The following A4GALT variants were observed in gnomAD, a reference collection of about 807,000 sequenced individuals.
A4GALT encodes alpha 1,4-galactosyltransferase (P1PK blood group), also known as lactosylceramide 4-alpha-galactosyltransferase.
For missense variants in A4GALT, 512 were observed against 486.0 expected, an observed-to-expected ratio of 1.05 and a Z score of -0.50; for synonymous variants, 257 against 220.7, an observed-to-expected ratio of 1.16 and a Z score of -1.46.
At chr22:42,708,582 G>A (rs1000862006) in intron 1 of A4GALT, among the ~76,000 whole-genome samples, 1 of 151,298 alleles carries the variant, frequency 6.6e-6, no homozygotes, top group Non-Finnish European at 1.5e-5. Context: ...AGGAAGGAAG[G>A]AAGGAAGGAA....
intron 1 of A4GALT, among the ~76,000 whole-genome samples, chr22:42,719,641 G>A (rs934956674): frequency 3.3e-5 from 5 of 152,258 alleles, no homozygotes; most frequent in Admixed American, 1.3e-4. Flanking sequence ...AGAGGGCTGT[G>A]GGAAATCTTG....
intron 1 of A4GALT, among the ~76,000 whole-genome samples, chr22:42,701,502 G>A (rs556773077): frequency 1.3e-5 from 2 of 152,286 alleles, no homozygotes; most frequent in South Asian, 4.2e-4. Flanking sequence ...CATAAAGAAT[G>A]CTCCCGCCGC....
intron 1 of A4GALT, among the ~76,000 whole-genome samples, chr22:42,709,050 T>TAC (rs776726095): frequency 5.4e-5 from 4 of 73,484 alleles, no homozygotes; most frequent in Admixed American, 5.1e-4. Context: ...AAAATTTAAA[T>TAC]ATATATATAT....
intron 1 of A4GALT, among the ~76,000 whole-genome samples, chr22:42,709,065 A>ATT (rs972762721): frequency 2.1e-5 from 2 of 93,658 alleles, no homozygotes; most frequent in African/African-American, 6.0e-5. Flanking sequence ...ATATATATAT[A>ATT]TATTTTTTTT....
At chr22:42,708,332 C>G (rs891376500) in intron 1 of A4GALT, among the ~76,000 whole-genome samples, 1 of 151,952 alleles carries the variant, frequency 6.6e-6, no homozygotes, top group African/African-American at 2.4e-5. Flanking sequence ...GAGCCGAGAT[C>G]GCGCCATTGC....
chr22:42,707,956 A>AT (rs71311458), intron 1 of A4GALT, among the ~76,000 whole-genome samples: 8 of 42,946 alleles, frequency 1.9e-4, no homozygotes, highest in Non-Finnish European at 6.7e-4. Context: ...CTGTCACTAC[A>AT]AAAAAAAAAA....
chr22:42,715,958 G>C (rs530952904), intron 1 of A4GALT, among the ~76,000 whole-genome samples: 3 of 151,934 alleles, frequency 2.0e-5, no homozygotes, highest in African/African-American at 7.3e-5. Context: ...TCAGCCTCCT[G>C]AGTAGGTGGG....
At chr22:42,701,994 C>T (rs28915369) in intron 1 of A4GALT, among the ~76,000 whole-genome samples, 7,065 of 152,278 alleles carry the variant, frequency 0.046, 528 homozygotes, top group African/African-American at 0.16. Context: ...CCTCAATCGA[C>T]CAATGAATGT....
chr22:42,709,841 T>C (rs1057462169), intron 1 of A4GALT, among the ~76,000 whole-genome samples: 7 of 151,750 alleles, frequency 4.6e-5, no homozygotes, highest in African/African-American at 1.7e-4. Context: ...GCAAGTGGGG[T>C]TTATTCAAAG....
In A4GALT at chr22:42,692,958, C is replaced by A; in HGVS notation, c.994G>T (p.Ala332Ser). 6.2e-7 allele frequency: 1 copy of A among 1,612,190 alleles called. No homozygotes were observed. The highest frequency in any genetic ancestry group is 1.1e-5 in the South Asian group (1 of 91,080). Residue 332 changes from alanine (A) to serine (S), a missense_variant, in exon 3 of 3, where the codon GCA becomes TCA. Transcript: ENST00000642412. This position sits in a 1 kb window ranked among gnomAD's most constrained non-coding sequence, Gnocchi z 4.6. Reference sequence around the variant, plus strand: ...CGGGCATGCAGCTGGGCCAGCAGTGCCCTGGACGTGGCCTCGAACCGCGTG... The same window carrying A: ...CGGGCATGCAGCTGGGCCAGCAGTGACCTGGACGTGGCCTCGAACCGCGTG... ...QGTRFEATSR[A>S]LLAQLHARYC...
intron 1 of A4GALT, among the ~76,000 whole-genome samples, chr22:42,704,872 G>T (rs1411466845): frequency 1.7e-5 from 2 of 117,784 alleles, no homozygotes; most frequent in Non-Finnish European, 3.4e-5. Flanking sequence ...ATGGCAATGG[G>T]GGGGGGCGGG....
chr22:42,694,375 C>G (rs1601981247), intron 2 of A4GALT, among the ~76,000 whole-genome samples: 1 of 152,388 alleles, frequency 6.6e-6, no homozygotes, highest in Non-Finnish European at 1.5e-5. Flanking sequence ...GGATTGGCAG[C>G]CTGGGATTTG....
In A4GALT at chr22:42,705,570, T is replaced by A. The variant is rs548605479; in HGVS notation, c.-187-9939A>T. On this transcript the variant is annotated intron_variant, in intron 1 of 2. Transcript: ENST00000642412. ...GTGAGCTGAGATCGTACCACTGCAC[T>A]CCAGCCTGGGCGACAGAGATTCTGT... Among the ~76,000 whole-genome samples the A allele has an allele frequency of 2.2e-4, 23 of 104,892 alleles. 5 individuals carry two copies. In the South Asian group the frequency reaches 8.7e-3, roughly 40 times the overall value. The allele number at this position is 104,892 out of a possible 152,430, so 68.8% of individuals were successfully genotyped here.
chr22:42,694,551 C>T (rs1362907222), intron 2 of A4GALT: 1 of 157,366 alleles, frequency 6.4e-6, no homozygotes, highest in Non-Finnish European at 1.4e-5. Context: ...ACAGGGCACT[C>T]GCTCCAGGCA....
At chr22:42,702,010 C>T (rs1931330845) in intron 1 of A4GALT, among the ~76,000 whole-genome samples, 2 of 152,316 alleles carry the variant, frequency 1.3e-5, no homozygotes, top group African/African-American at 4.8e-5. Context: ...AATGTCTCAT[C>T]CCCCTGATCA....
At chr22:42,696,737 T>C (rs1025213017) in intron 1 of A4GALT, among the ~76,000 whole-genome samples, 1 of 151,946 alleles carries the variant, frequency 6.6e-6, no homozygotes, top group Non-Finnish European at 1.5e-5. Flanking sequence ...CTGAATGACA[T>C]GAGGCCCTGA....
chr22:42,709,964 G>A (rs956570059), intron 1 of A4GALT, among the ~76,000 whole-genome samples: 3 of 152,092 alleles, frequency 2.0e-5, no homozygotes, highest in African/African-American at 7.2e-5. Context: ...ATTTAACAAA[G>A]TAGCCAACAC....
intron 1 of A4GALT, among the ~76,000 whole-genome samples, chr22:42,715,019 T>G (rs1922042410): frequency 7.9e-6 from 1 of 126,060 alleles, no homozygotes; most frequent in Admixed American, 9.7e-5. Flanking sequence ...GGCTGAGTTC[T>G]GAGCAAACAG....
intron 1 of A4GALT, among the ~76,000 whole-genome samples, chr22:42,706,280 G>A (rs188559439): frequency 1.8e-4 from 27 of 147,374 alleles, no homozygotes; most frequent in African/African-American, 6.8e-4. Context: ...GTGTGAACCC[G>A]GGAGGCAGAG....
Sources: gnomAD v4.1 joint callset for allele counts (sites outside exome capture counted in the v4.1 genomes callset) on GRCh38, gnomAD v4.1.1 for gene constraint, Gnocchi (gnomAD v3.1) non-coding constraint, MANE v1.5 for transcripts, NCBI Gene and HGNC (gene_info 2026-07-23, HGNC 2026-07-21) for gene names.